PALMD: variants seen among roughly 807,000 people sequenced by gnomAD.
The protein encoded by PALMD is paralemmin-like protein.
A neutral mutation model predicts 56.2 loss-of-function variants in PALMD; 42 were observed. That is an observed-to-expected ratio of 0.75 (90% CI 0.58 to 0.97). The LOEUF (loss-of-function observed/expected upper bound fraction) is 0.97, where lower values mean the gene tolerates loss of function less well. PALMD is among the 50% of genes least tolerant of loss of function. The probability of loss-of-function intolerance (pLI) is 0.00; values close to 1 mark genes in which losing one functional copy is unlikely to be tolerated. For missense variants in PALMD, 660 were observed against 643.8 expected (o/e 1.03, Z -0.27); for synonymous variants, 242 against 222.9 (o/e 1.09, Z -0.76).
rs933002273 is a variant in PALMD at position 99,681,842 on chromosome 1, G to A, written c.252-4834G>A. On this transcript the variant is annotated intron_variant, in intron 3 of 7. Coordinates refer to ENST00000263174, the MANE Select transcript of PALMD (RefSeq NM_017734.5). ...CCAAATATCCCCAGGGAACAAAATCGCCTCTGGTTACGAACCACTGTACTA... is the reference window on the plus strand; with the variant it reads ...CCAAATATCCCCAGGGAACAAAATCACCTCTGGTTACGAACCACTGTACTA... Among the ~76,000 whole-genome samples the A allele has an allele frequency of 1.3e-4, 20 of 152,200 alleles. No individual in the cohort carries two copies. In the East Asian group the frequency reaches 1.5e-3, roughly 12 times the overall value.
intron 1 of PALMD, among the ~76,000 whole-genome samples, chr1:99,653,341 T>C (rs1318943498): frequency 6.6e-6 from 1 of 152,156 alleles, no homozygotes; most frequent in African/African-American, 2.4e-5. Flanking sequence ...TGTTTTGTGT[T>C]TGTTGTTTAG....
At chr1:99,673,080 T>G (rs1192137643) in intron 3 of PALMD, among the ~76,000 whole-genome samples, 2 of 152,066 alleles carry the variant, frequency 1.3e-5, no homozygotes, top group East Asian at 3.9e-4. Context: ...GGAAAATTCC[T>G]CCACAAAAGG....
At chr1:99,681,091 A>G (rs747030555) in intron 3 of PALMD, among the ~76,000 whole-genome samples, 2 of 121,080 alleles carry the variant, frequency 1.7e-5, no homozygotes, top group African/African-American at 6.4e-5. Context: ...ATATACATAT[A>G]TGTGTGTGTA....
chr1:99,673,145 C>T (rs1362349925), intron 3 of PALMD, among the ~76,000 whole-genome samples: 1 of 152,108 alleles, frequency 6.6e-6, no homozygotes, highest in Non-Finnish European at 1.5e-5. Flanking sequence ...CAATAATTTA[C>T]TCAATTAACT....
intron 3 of PALMD, chr1:99,684,523 G>A (rs773449429): frequency 6.7e-6 from 1 of 148,970 alleles, no homozygotes; most frequent in East Asian, 2.0e-4. Flanking sequence ...GAGTTTTATT[G>A]TTTGTTTGTT....
intron 3 of PALMD, among the ~76,000 whole-genome samples, chr1:99,681,917 C>A (rs763678087): frequency 6.6e-6 from 1 of 152,144 alleles, no homozygotes; most frequent in African/African-American, 2.4e-5. Context: ...GTTTTATGCT[C>A]CTTAAGGACA....
chr1:99,657,821 C>T (rs967493240), intron 1 of PALMD, among the ~76,000 whole-genome samples: 2 of 152,034 alleles, frequency 1.3e-5, no homozygotes, highest in Non-Finnish European at 2.9e-5. Flanking sequence ...CACATCAAGC[C>T]CTTGACTTGA....
chr1:99,672,927 C>A (rs1320987357), intron 3 of PALMD, among the ~76,000 whole-genome samples: 3 of 151,954 alleles, frequency 2.0e-5, no homozygotes, highest in Admixed American at 6.6e-5. Flanking sequence ...CATTTGTCCC[C>A]CAAATAGTTA....
chr1:99,682,434 CTTA>C (rs1653364188), intron 3 of PALMD, among the ~76,000 whole-genome samples: 1 of 152,116 alleles, frequency 6.6e-6, no homozygotes, highest in African/African-American at 2.4e-5. Flanking sequence ...ACCACAGCGA[CTTA>C]TTAATGCAAC....
rs575111121 is a variant in PALMD at position 99,674,622 on chromosome 1, T to A, written c.251+6856T>A. Among the ~76,000 whole-genome samples, 106 of 151,758 alleles carry A rather than the reference T, an allele frequency of 7.0e-4. 2 individuals carry two copies. The highest frequency in any genetic ancestry group is 2.5e-3 in the East Asian group (13 of 5,170). ...AACTCCCACCCAAAAAAAAAAAAAATTTGTTTTTCTCTCTTTAAATCCCTT... is the reference window on the plus strand; with the variant it reads ...AACTCCCACCCAAAAAAAAAAAAAAATTGTTTTTCTCTCTTTAAATCCCTT... On this transcript the variant is annotated intron_variant, in intron 3 of 7. Transcript: ENST00000263174.
chr1:99,668,188 A>T (rs1321155453), intron 3 of PALMD: 2 of 154,526 alleles, frequency 1.3e-5, no homozygotes, highest in Non-Finnish European at 2.9e-5. Context: ...TGAATTTCTA[A>T]AAAAGGGATT....
intron 1 of PALMD, among the ~76,000 whole-genome samples, chr1:99,652,712 AAAG>A (rs773128917): frequency 2.3e-3 from 227 of 97,350 alleles, no homozygotes; most frequent in Non-Finnish European, 4.2e-3. Flanking sequence ...AAAGAAAAGA[AAAG>A]AAAAGAAAAG....
At chr1:99,683,407 C>G (rs1413641855) in intron 3 of PALMD, 2 of 152,258 alleles carry the variant, frequency 1.3e-5, no homozygotes, top group Non-Finnish European at 2.9e-5. Context: ...ACACATCCCC[C>G]ACAAATCCCC....
chr1:99,659,100 G>A (rs950981143), intron 1 of PALMD, among the ~76,000 whole-genome samples: 1 of 152,140 alleles, frequency 6.6e-6, no homozygotes, highest in Non-Finnish European at 1.5e-5. Flanking sequence ...CTGCCTTCCT[G>A]ACAGGACTAG....
intron 3 of PALMD, among the ~76,000 whole-genome samples, chr1:99,680,229 G>T (rs1653308886): frequency 6.6e-6 from 1 of 152,112 alleles, no homozygotes; most frequent in African/African-American, 2.4e-5. Flanking sequence ...AAAATTGCAT[G>T]TTGGAATTGG....
chr1:99,693,995 TC>T, intron 7 of PALMD, 23 bp from the exon 8 acceptor site: 1 of 1,528,754 alleles, frequency 6.5e-7, no homozygotes, highest in Non-Finnish European at 8.9e-7. Flanking sequence ...TTTATAACTC[TC>T]TTTTTTTTTC....
At chr1:99,656,624 T>C (rs1284714066) in intron 1 of PALMD, among the ~76,000 whole-genome samples, 1 of 152,318 alleles carries the variant, frequency 6.6e-6, no homozygotes, top group East Asian at 1.9e-4. Flanking sequence ...AAAACACCTA[T>C]ACCCTCTTTC....
intron 1 of PALMD, among the ~76,000 whole-genome samples, chr1:99,653,278 T>C (rs1446771238): frequency 6.6e-6 from 1 of 152,196 alleles, no homozygotes; most frequent in Non-Finnish European, 1.5e-5. Context: ...ACAGATTTTT[T>C]TTCACTGAAG....
intron 3 of PALMD, among the ~76,000 whole-genome samples, chr1:99,678,959 T>C (rs1232597500): frequency 6.7e-6 from 1 of 149,206 alleles, no homozygotes; most frequent in Admixed American, 6.8e-5. Flanking sequence ...AGGGATACCT[T>C]GACTCTTAAA....
Sources: gnomAD v4.1 joint callset for allele counts (sites outside exome capture counted in the v4.1 genomes callset) on GRCh38, gnomAD v4.1.1 for gene constraint, MANE v1.5 for transcripts, NCBI Gene and HGNC (gene_info 2026-07-23, HGNC 2026-07-21) for gene names.